DCUN1D4: variants seen among roughly 807,000 people sequenced by gnomAD.
DCUN1D4 encodes the protein defective in cullin neddylation 1 domain containing 4.
A neutral mutation model predicts 47.9 loss-of-function variants in DCUN1D4; 22 were observed. The observed-to-expected ratio is 0.46, with a 90% CI of 0.33 to 0.66. The LOEUF (loss-of-function observed/expected upper bound fraction) is 0.66, where lower values mean the gene tolerates loss of function less well. Among genes scored for constraint, DCUN1D4 ranks in the 30% least tolerant of loss-of-function variants. DCUN1D4 has a pLI of 0.02. For synonymous variants in DCUN1D4, 121 were observed against 112.2 expected (o/e 1.08, Z -0.50); for missense variants, 301 against 340.8 (o/e 0.88, Z 0.92).
intron 1 of DCUN1D4, among the ~76,000 whole-genome samples, chr4:51,851,607 G>A (rs1239782903): frequency 6.6e-6 from 1 of 152,058 alleles, no homozygotes; most frequent in Non-Finnish European, 1.5e-5. Flanking sequence ...AGAGGCACCA[G>A]GGAGAGTGTA....
intron 1 of DCUN1D4, 113 bp downstream of exon 1, chr4:51,843,380 C>G: frequency 7.3e-7 from 1 of 1,372,524 alleles, no homozygotes; most frequent in East Asian, 3.1e-5. Flanking sequence ...CCGGGAGCCC[C>G]TGCCTGGGAA....
rs1724337399 is a variant in DCUN1D4 at position 51,857,576 on chromosome 4, GT to G, written c.26-5858del. 2.6e-5 allele frequency among the ~76,000 whole-genome samples: 4 copies of G among 152,306 alleles called. No individual in the cohort carries two copies. The East Asian group carries it at 7.7e-4, about 29-fold the overall frequency. ...GAGCACAGCTTGATGTGGGGATTAT[GT>G]TTGTTTTCATGTAAGACTGTCATAT... On this transcript the variant is annotated intron_variant, in intron 1 of 10. Coordinates refer to ENST00000334635, the MANE Select transcript of DCUN1D4 (RefSeq NM_001040402.3).
At chr4:51,891,683 T>G (rs1730444201) in intron 6 of DCUN1D4, 77 bp from the exon 7 acceptor site, 5 of 1,163,604 alleles carry the variant, frequency 4.3e-6, no homozygotes, top group East Asian at 2.6e-5. Context: ...GTTAATGTAT[T>G]AATGACAGAT....
chr4:51,891,045 T>G (rs545283904), intron 6 of DCUN1D4, among the ~76,000 whole-genome samples: 21 of 152,366 alleles, frequency 1.4e-4, no homozygotes, highest in African/African-American at 4.8e-4. Flanking sequence ...AGTGCTGTCT[T>G]AAGTGGAATG....
chr4:51,871,254 A>T (rs1036437779), intron 3 of DCUN1D4, among the ~76,000 whole-genome samples: 8 of 152,230 alleles, frequency 5.3e-5, no homozygotes, highest in African/African-American at 1.9e-4. Context: ...AGAAAAAAGT[A>T]TTTGTGAAAC....
intron 1 of DCUN1D4, among the ~76,000 whole-genome samples, chr4:51,861,019 A>T (rs1376178945): frequency 1.3e-5 from 2 of 152,172 alleles, no homozygotes; most frequent in East Asian, 1.9e-4. Context: ...GTCGGAATTG[A>T]TGTCTTTTAT....
intron 1 of DCUN1D4, among the ~76,000 whole-genome samples, chr4:51,847,603 A>G (rs1722751040): frequency 1.3e-5 from 2 of 151,316 alleles, no homozygotes; most frequent in Non-Finnish European, 2.9e-5. Context: ...AATAACCAGC[A>G]ATACATTTTT....
In DCUN1D4 at chr4:51,843,313, C is replaced by T. The variant is rs542768609; in HGVS notation, c.25+46C>T. ...CAGCGGGCCGGGGCCGGGCGGCTGC[C>T]AAACTCGCCACTCGGCTCCCGCAGT... On this transcript the variant is annotated intron_variant, in intron 1 of 10. Transcript: ENST00000334635. 1.7e-4 allele frequency: 253 copies of T among 1,499,664 alleles called. No individual in the cohort carries two copies. In the East Asian group the frequency reaches 7.0e-3, roughly 42 times the overall value. 92.9% of individuals were successfully genotyped at this position (1,499,664 alleles called of 1,614,324 possible). A position where few individuals can be genotyped will look rare whatever the true frequency, so the allele number is the denominator to read the frequency against.
intron 8 of DCUN1D4, among the ~76,000 whole-genome samples, chr4:51,902,565 A>G (rs1046477817): frequency 6.6e-6 from 1 of 152,126 alleles, no homozygotes; most frequent in Admixed American, 6.5e-5. Flanking sequence ...ATTCACTCCA[A>G]CTTTCTTTTT....
intron 7 of DCUN1D4, among the ~76,000 whole-genome samples, chr4:51,897,286 A>G (rs996873158): frequency 6.6e-6 from 1 of 152,204 alleles, no homozygotes; most frequent in African/African-American, 2.4e-5. Flanking sequence ...ATAGTTTATC[A>G]TATCAACAAA....
At chr4:51,874,202 T>C (rs1727324945) in intron 3 of DCUN1D4, 69 bp from the exon 4 acceptor site, 1 of 996,490 alleles carries the variant, frequency 1.0e-6, no homozygotes, top group Admixed American at 2.3e-5. Context: ...TTAGCAGTAC[T>C]GTTCTTTGGA....
intron 5 of DCUN1D4, among the ~76,000 whole-genome samples, chr4:51,881,160 T>C (rs1434066048): frequency 6.6e-6 from 1 of 152,142 alleles, no homozygotes; most frequent in Non-Finnish European, 1.5e-5. Context: ...CCAGTTTACA[T>C]AATTTATCTA....
At chr4:51,848,182 T>G in intron 1 of DCUN1D4, 5 of 1,216,954 alleles carry the variant, frequency 4.1e-6, no homozygotes, top group Non-Finnish European at 5.2e-6. Context: ...TGCAAACTAA[T>G]TTAATATTTT....
At chr4:51,843,572 A>C (rs1327987347) in intron 1 of DCUN1D4, 2 of 970,462 alleles carry the variant, frequency 2.1e-6, no homozygotes, top group African/African-American at 5.2e-5. Context: ...CCGAGATCGG[A>C]GTGTCCGGGG....
At chr4:51,866,964 T>A (rs138478123) in intron 3 of DCUN1D4, among the ~76,000 whole-genome samples, 1 of 152,204 alleles carries the variant, frequency 6.6e-6, no homozygotes, top group Non-Finnish European at 1.5e-5. Flanking sequence ...CAGTTCTCAC[T>A]ACTGGCCTGG....
chr4:51,891,175 C>T (rs1362508987), intron 6 of DCUN1D4, among the ~76,000 whole-genome samples: 1 of 152,246 alleles, frequency 6.6e-6, no homozygotes, highest in Non-Finnish European at 1.5e-5. Flanking sequence ...TTTTAATACA[C>T]TGTTCTACAC....
chr4:51,897,733 A>G (rs1426002193), intron 7 of DCUN1D4, among the ~76,000 whole-genome samples: 1 of 152,228 alleles, frequency 6.6e-6, no homozygotes, highest in Non-Finnish European at 1.5e-5. Context: ...TTGTGCCAGA[A>G]AGCAAGGAAA....
intron 3 of DCUN1D4, among the ~76,000 whole-genome samples, chr4:51,866,459 C>T (rs574409550): frequency 6.6e-6 from 1 of 152,212 alleles, no homozygotes; most frequent in Non-Finnish European, 1.5e-5. Flanking sequence ...CACTTTTCCA[C>T]TCAGTATATC....
intron 7 of DCUN1D4, among the ~76,000 whole-genome samples, chr4:51,896,185 G>A (rs748108111): frequency 6.6e-6 from 1 of 152,170 alleles, no homozygotes; most frequent in Non-Finnish European, 1.5e-5. Flanking sequence ...TATGTTTAAA[G>A]CACAAGAACT....
Sources: gnomAD v4.1 joint callset for allele counts (sites outside exome capture counted in the v4.1 genomes callset) on GRCh38, gnomAD v4.1.1 for gene constraint, MANE v1.5 for transcripts, NCBI Gene and HGNC (gene_info 2026-07-23, HGNC 2026-07-21) for gene names.